Variants in ANKRD36B observed in about 807,000 individuals in gnomAD.
ANKRD36B encodes ankyrin repeat domain-containing protein 36B.
In ANKRD36B, 37 loss-of-function variants were observed where a neutral mutation model predicts 135.7. The ratio of observed to expected loss-of-function variants is 0.27; its 90% CI spans 0.21 to 0.36. The LOEUF (loss-of-function observed/expected upper bound fraction) is 0.36, where lower values mean the gene tolerates loss of function less well. Among genes scored for constraint, ANKRD36B ranks in the 10% least tolerant of loss-of-function variants. The probability of loss-of-function intolerance (pLI) is 1.00; values close to 1 mark genes in which losing one functional copy is unlikely to be tolerated. For synonymous variants in ANKRD36B, 179 were observed against 348.1 expected, an observed-to-expected ratio of 0.51 and a Z score of 5.41; for missense variants, 549 against 1,037.1, an observed-to-expected ratio of 0.53 and a Z score of 6.46.
intron 5 of ANKRD36B, among the ~76,000 whole-genome samples, chr2:97,578,449 TG>T (rs1417632107): frequency 3.9e-5 from 6 of 152,214 alleles, no homozygotes; most frequent in African/African-American, 1.4e-4. Flanking sequence ...AGACACTGAT[TG>T]TCTTCCTTGG....
At chr2:97,547,903 G>C (rs1328363585) in intron 20 of ANKRD36B, among the ~76,000 whole-genome samples, 172 bp from the exon 21 acceptor site, 1 of 151,858 alleles carries the variant, frequency 6.6e-6, no homozygotes, top group East Asian at 2.0e-4. Flanking sequence ...GCTGAGAAAA[G>C]GGAATACAGG....
At chr2:97,570,960 A>G (rs1240097590) in intron 6 of ANKRD36B, among the ~76,000 whole-genome samples, 6 of 152,248 alleles carry the variant, frequency 3.9e-5, no homozygotes, top group African/African-American at 1.4e-4. Flanking sequence ...TTTCCTTAAC[A>G]GTTGCCTTTG....
chr2:97,578,140 C>T (rs1216183943), intron 5 of ANKRD36B, among the ~76,000 whole-genome samples: 2 of 152,064 alleles, frequency 1.3e-5, no homozygotes, highest in Non-Finnish European at 2.9e-5. Flanking sequence ...CAATTTGCTC[C>T]GTATGTGTGT....
At chr2:97,559,624 G>A (rs1175993019) in intron 8 of ANKRD36B, among the ~76,000 whole-genome samples, 8 of 151,862 alleles carry the variant, frequency 5.3e-5, no homozygotes, top group African/African-American at 4.8e-5. Flanking sequence ...CTTTCTGAAA[G>A]TTTCTTCATC....
rs1435731523 is a variant in ANKRD36B, at chr2:97,532,616, G to A, written c.2192-232C>T. ...CAGGTGCCTGTAGTCCCAGCTAGTC[G>A]GGAGGCTGGGGCAGGAGAATGGCGT... On this transcript the variant is annotated intron_variant, in intron 34 of 43. Transcript: ENST00000359901. 6.4e-5 allele frequency among the ~76,000 whole-genome samples: 6 copies of A among 94,000 alleles called. 1 individual carries two copies. The highest frequency in any genetic ancestry group is 9.6e-5 in the African/African-American group (3 of 31,308). 61.7% of individuals were successfully genotyped at this position (94,000 alleles called of 152,430 possible).
Position 97,531,783 on chromosome 2 carries a change from G to T in ANKRD36B, c.2265+528C>A, listed in dbSNP as rs2078616828. Among the ~76,000 whole-genome samples, 2 of 95,972 alleles carry T rather than the reference G, an allele frequency of 2.1e-5. 1 individual carries two copies. Among genetic ancestry groups the T allele is most frequent in the African/African-American group, 6.2e-5 (2 of 32,008 alleles). The allele number at this position is 95,972 out of a possible 152,430, so 63.0% of individuals were successfully genotyped here. On this transcript the variant is annotated intron_variant, in intron 35 of 43. Coordinates refer to ENST00000359901, the MANE Select transcript of ANKRD36B (RefSeq NM_001393939.1). ...AATACCAAAGGTGCCATTTTGCAAG[G>T]TATAATTCTCTTGATAGCCAGTTGG...
intron 6 of ANKRD36B, among the ~76,000 whole-genome samples, chr2:97,568,968 G>A (rs2081638438): frequency 6.6e-6 from 1 of 152,130 alleles, no homozygotes; most frequent in Admixed American, 6.6e-5. Flanking sequence ...ATATTTGTAT[G>A]CCTATAGTAT....
At chr2:97,569,505 T>C (rs2081678987) in intron 6 of ANKRD36B, among the ~76,000 whole-genome samples, 1 of 152,052 alleles carries the variant, frequency 6.6e-6, no homozygotes, top group African/African-American at 2.4e-5. Flanking sequence ...TGTCCAGCTT[T>C]ATAGAAGGTA....
At chr2:97,575,386 G>C (rs2082158430) in intron 6 of ANKRD36B, among the ~76,000 whole-genome samples, 1 of 152,028 alleles carries the variant, frequency 6.6e-6, no homozygotes. Flanking sequence ...ATTCTTCCCT[G>C]TTGACCAGCT....
At chr2:97,547,462 G>A (rs1173696877) in intron 22 of ANKRD36B, 74 bp downstream of exon 22, 25 of 1,412,000 alleles carry the variant, frequency 1.8e-5, no homozygotes, top group African/African-American at 5.8e-5. Context: ...CGAGCCCCCC[G>A]CAGATTTATT....
At chr2:97,546,824 G>T (rs868840341) in intron 22 of ANKRD36B, among the ~76,000 whole-genome samples, 4 of 151,510 alleles carry the variant, frequency 2.6e-5, no homozygotes, top group African/African-American at 7.3e-5. Context: ...CAAGATTATC[G>T]CATTTTTATA....
At chr2:97,566,727 C>A (rs996421718) in intron 6 of ANKRD36B, among the ~76,000 whole-genome samples, 28 of 152,204 alleles carry the variant, frequency 1.8e-4, no homozygotes, top group Non-Finnish European at 4.1e-4. Flanking sequence ...CCAGGTGCAG[C>A]TAGAACAGCA....
chr2:97,568,257 T>C (rs1189716349), intron 6 of ANKRD36B, among the ~76,000 whole-genome samples: 1 of 152,092 alleles, frequency 6.6e-6, no homozygotes, highest in Non-Finnish European at 1.5e-5. Context: ...GAAATTACTG[T>C]ACTTATTTTG....
chr2:97,557,952 ATT>A (rs1305874349), intron 10 of ANKRD36B, among the ~76,000 whole-genome samples: 1 of 151,870 alleles, frequency 6.6e-6, no homozygotes, highest in East Asian at 1.9e-4. Context: ...TTAAAAGTCA[ATT>A]AATGAATTCA....
At chr2:97,567,891 A>G (rs2081563563) in intron 6 of ANKRD36B, among the ~76,000 whole-genome samples, 1 of 152,156 alleles carries the variant, frequency 6.6e-6, no homozygotes, top group African/African-American at 2.4e-5. Context: ...TCTTTCTGAT[A>G]TATAGTCAAA....
intron 6 of ANKRD36B, among the ~76,000 whole-genome samples, chr2:97,573,651 A>G (rs2082037172): frequency 6.6e-6 from 1 of 152,220 alleles, no homozygotes. Flanking sequence ...CTACAAGGCT[A>G]GAGTAACCAA....
chr2:97,563,691 C>G (rs2081220321), intron 6 of ANKRD36B, among the ~76,000 whole-genome samples: 2 of 152,080 alleles, frequency 1.3e-5, no homozygotes, highest in South Asian at 4.1e-4. Flanking sequence ...ACTGGATTTT[C>G]TCAGGGTCAT....
chr2:97,542,219 C>T, intron 26 of ANKRD36B, 112 bp from the exon 27 acceptor site: 1 of 555,568 alleles, frequency 1.8e-6, no homozygotes. Context: ...TTAGTGTAGG[C>T]TTTGATGCTT....
At chr2:97,572,047 A>G (rs933860237) in intron 6 of ANKRD36B, among the ~76,000 whole-genome samples, 1 of 152,164 alleles carries the variant, frequency 6.6e-6, no homozygotes, top group African/African-American at 2.4e-5. Flanking sequence ...CTGAGGCAGG[A>G]GGATCACTTG....
Sources: allele counts gnomAD v4.1 joint callset (sites outside exome capture counted in the v4.1 genomes callset), GRCh38; gene constraint gnomAD v4.1.1; transcripts MANE v1.5; gene names NCBI Gene and HGNC (gene_info 2026-07-23, HGNC 2026-07-21).